TMEM37: variants seen among roughly 807,000 people sequenced by gnomAD.
TMEM37 encodes the protein voltage-dependent calcium channel gamma-like subunit.
A neutral mutation model predicts 11.0 loss-of-function variants in TMEM37; 12 were observed. The observed-to-expected ratio is 1.09, with a 90% CI of 0.70 to 1.76. TMEM37 has a LOEUF of 1.76. Among genes scored for constraint, TMEM37 ranks in the 40% most tolerant of loss-of-function variants. The pLI is 0.00. For synonymous variants in TMEM37, 127 were observed against 110.5 expected (o/e 1.15, Z -0.94); for missense variants, 203 against 251.2 (o/e 0.81, Z 1.30).
chr2:119,431,152 A>G (rs72833250), upstream of TMEM37, among the ~76,000 whole-genome samples: 2,646 of 144,326 alleles, frequency 0.018, 25 homozygotes, highest in South Asian at 0.053. Context: ...AACGTCCAGA[A>G]AAAAAAAAAG....
upstream of TMEM37, chr2:119,430,271 C>T: frequency 1.6e-6 from 1 of 626,956 alleles, no homozygotes; most frequent in Non-Finnish European, 3.0e-6. Flanking sequence ...CCCAGGCCAG[C>T]AGCACCAACA....
chr2:119,431,787 C>G, upstream of TMEM37: 1 of 850,484 alleles, frequency 1.2e-6, no homozygotes, highest in East Asian at 3.6e-5. Context: ...CGCCCCCTCC[C>G]GCCCCGCCCG....
At position 119,437,503 on chromosome 2, in the gene TMEM37, G is replaced by A; in HGVS notation, c.*63G>A. The A allele has an allele frequency of 6.5e-7, 1 of 1,547,528 alleles. No individual in the cohort carries two copies. The highest frequency in any genetic ancestry group is 1.3e-5 in the South Asian group (1 of 79,082). On this transcript the variant is annotated 3_prime_UTR_variant, in exon 2 of 2. Coordinates refer to ENST00000306406, the MANE Select transcript of TMEM37 (RefSeq NM_183240.3). ...TCCACAAGAAAATATGGTCAAAATG[G>A]GACTTTTCCAGCATGTGGCCTCTGG...
rs1682532276 is a variant in TMEM37, at chr2:119,437,717, A to G, written c.*277A>G. The G allele has an allele frequency of 4.1e-6, 2 of 485,326 alleles. No individual in the cohort carries two copies. The highest frequency in any genetic ancestry group is 7.3e-6 in the Non-Finnish European group (2 of 275,806). 30.1% of individuals were successfully genotyped at this position (485,326 alleles called of 1,614,324 possible). ...TTTTAGAGGAAGAAAAAAACATTTT[A>G]AAACTCCTTCTTGAATTTTCTTCCC... On this transcript the variant is annotated 3_prime_UTR_variant, in exon 2 of 2. Coordinates refer to ENST00000306406, the MANE Select transcript of TMEM37 (RefSeq NM_183240.3).
chr2:119,431,810 G>C, upstream of TMEM37: 8 of 908,042 alleles, frequency 8.8e-6, no homozygotes, highest in Non-Finnish European at 1.1e-5. Context: ...TCCAGCAGCC[G>C]CCCCGCCCCT....
intron 1 of TMEM37, among the ~76,000 whole-genome samples, chr2:119,432,475 A>T (rs1573763060): frequency 6.6e-6 from 1 of 152,054 alleles, no homozygotes; most frequent in Non-Finnish European, 1.5e-5. Context: ...CCTCAGGGAA[A>T]GGCTCTGGCG....
rs1224531038 is a variant in TMEM37, at chr2:119,437,246, G to A, written c.379G>A (p.Gly127Ser). 5.0e-6 allele frequency: 8 copies of A among 1,614,130 alleles called. No homozygotes were observed. The highest frequency in any genetic ancestry group is 1.3e-5 in the African/African-American group (1 of 74,938). Residue 127 changes from glycine to serine, a missense_variant, in exon 2 of 2, where the codon GGT becomes AGT. Coordinates refer to ENST00000306406, the MANE Select transcript of TMEM37 (RefSeq NM_183240.3). ...DKHSQCKWVM[G>S]SILLLVSFVL... ...ACACTCACAGTGCAAGTGGGTCATG[G>A]GTTCCATCCTCCTCCTGGTGTCTTT... is the stretch of plus-strand genomic sequence containing the variant.
intron 1 of TMEM37, among the ~76,000 whole-genome samples, chr2:119,435,362 A>G (rs1682477637): frequency 6.6e-6 from 1 of 152,152 alleles, no homozygotes; most frequent in Non-Finnish European, 1.5e-5. Context: ...CCATTTGCCC[A>G]TGGCATAGGA....
chr2:119,438,273 G>A lies in TMEM37; in HGVS notation c.*833G>A, dbSNP rs924810531. ...GTGTGTGCATGTGTCTGTCTTTTGT[G>A]AGGGTTAGACAGCCTCAGGGCACCA... On this transcript the variant is annotated 3_prime_UTR_variant, in exon 2 of 2. Coordinates refer to ENST00000306406, the MANE Select transcript of TMEM37 (RefSeq NM_183240.3). 6.6e-6 allele frequency: 1 copy of A among 152,216 alleles called. No individual in the cohort carries two copies. Among genetic ancestry groups the A allele is most frequent in the African/African-American group, 2.4e-5 (1 of 41,446 alleles). The allele number at this position is 152,216 out of a possible 1,614,324, so 9.4% of individuals were successfully genotyped here. A position where few individuals can be genotyped will look rare whatever the true frequency, so the allele number is the denominator to read the frequency against.
chr2:119,430,172 A>G (rs1682365956), upstream of TMEM37: 1 of 635,178 alleles, frequency 1.6e-6, no homozygotes, highest in East Asian at 2.8e-5. Flanking sequence ...GGGGCCACGG[A>G]GGGAAGGCCC....
chr2:119,430,057 CCCGCAACAGGACAGGTCTTCCTTTCCCA>C, upstream of TMEM37: 1 of 1,252,470 alleles, frequency 8.0e-7, no homozygotes, highest in Non-Finnish European at 1.1e-6. Flanking sequence ...AAAGGATACC[CCCGCAACAGGACAGGTCTTCCTTTCCCA>C]TGTGGGCTCT....
chr2:119,434,716 C>T (rs17015815), intron 1 of TMEM37, among the ~76,000 whole-genome samples: 5,138 of 152,272 alleles, frequency 0.034, 112 homozygotes, highest in African/African-American at 0.061. Context: ...CTGGTCCTAG[C>T]TCTGGCATGG....
chr2:119,436,887 A>G lies in TMEM37; in HGVS notation c.22-2A>G. 1 of 1,606,768 alleles carries G rather than the reference A, an allele frequency of 6.2e-7. No homozygotes were observed. Among genetic ancestry groups the G allele is most frequent in the South Asian group, 1.1e-5 (1 of 90,122 alleles). ...CAGGGTGCTTCCTACGGTTTTTTCCAGGCCCAGAGGCCTTTGGGCCAAAGG... is the reference window on the plus strand; with the variant it reads ...CAGGGTGCTTCCTACGGTTTTTTCCGGGCCCAGAGGCCTTTGGGCCAAAGG... On this transcript the variant is annotated splice_acceptor_variant, in intron 1 of 1. Coordinates refer to ENST00000306406, the MANE Select transcript of TMEM37 (RefSeq NM_183240.3). LOFTEE classifies it high-confidence loss of function.
chr2:119,435,251 T>A (rs1195070872), intron 1 of TMEM37, among the ~76,000 whole-genome samples: 2 of 149,844 alleles, frequency 1.3e-5, no homozygotes, highest in Non-Finnish European at 3.0e-5. Context: ...TGTGAGCAGA[T>A]ACTCTTGCTG....
intron 1 of TMEM37, among the ~76,000 whole-genome samples, chr2:119,432,560 C>T (rs574203646): frequency 3.3e-5 from 5 of 152,228 alleles, no homozygotes; most frequent in South Asian, 2.1e-4. Flanking sequence ...GGCTAAGAAC[C>T]TACACATTCC....
At chr2:119,432,477 G>C (rs537651813) in intron 1 of TMEM37, among the ~76,000 whole-genome samples, 3 of 152,200 alleles carry the variant, frequency 2.0e-5, no homozygotes, top group Non-Finnish European at 4.4e-5. Flanking sequence ...TCAGGGAAAG[G>C]CTCTGGCGAG....
Position 119,432,954 on chromosome 2 carries a change from C to A in TMEM37, c.21+1030C>A, listed in dbSNP as rs529036154. Among the ~76,000 whole-genome samples, 213 of 152,340 alleles carry A rather than the reference C, an allele frequency of 1.4e-3. 2 individuals carry two copies. Among genetic ancestry groups the A allele is most frequent in the African/African-American group, 4.8e-3 (201 of 41,576 alleles). On this transcript the variant is annotated intron_variant, in intron 1 of 1. Coordinates refer to ENST00000306406, the MANE Select transcript of TMEM37 (RefSeq NM_183240.3). The stretch of plus-strand genomic sequence containing the variant: ...CCAAAACCGCTTCTATAGCCAGGAC[C>A]TAGGCACCTGGGCGAAGCCGGGCAT...
chr2:119,431,217 A>G (rs1353937172), upstream of TMEM37, among the ~76,000 whole-genome samples: 1 of 152,010 alleles, frequency 6.6e-6, no homozygotes, highest in Non-Finnish European at 1.5e-5. Context: ...TGTTTGGCAT[A>G]TTTGCATTTT....
chr2:119,436,190 C>T (rs1208796485), intron 1 of TMEM37, among the ~76,000 whole-genome samples: 2 of 152,136 alleles, frequency 1.3e-5, no homozygotes, highest in African/African-American at 2.4e-5. Context: ...AGGGCTGAAC[C>T]GGAAGTGGAG....
Sources: gnomAD v4.1 joint callset for allele counts (sites outside exome capture counted in the v4.1 genomes callset) on GRCh38, gnomAD v4.1.1 for gene constraint, MANE v1.5 for transcripts, NCBI Gene and HGNC (gene_info 2026-07-23, HGNC 2026-07-21) for gene names.